Variants in MAGI2 observed in about 807,000 individuals in gnomAD.
MAGI2 encodes membrane associated guanylate kinase, WW and PDZ domain containing 2, also known as membrane-associated guanylate kinase, WW and PDZ domain-containing protein 2.
A neutral mutation model predicts 133.3 loss-of-function variants in MAGI2; 35 were observed. The observed-to-expected ratio is 0.26, with a 90% CI of 0.20 to 0.35. MAGI2 has a LOEUF of 0.35. MAGI2 is among the 10% of genes least tolerant of loss of function. MAGI2 has a pLI of 1.00. For missense variants in MAGI2, 1,636 were observed against 1,863.4 expected, an observed-to-expected ratio of 0.88 and a Z score of 2.25; for synonymous variants, 729 against 710.6, an observed-to-expected ratio of 1.03 and a Z score of -0.41.
At chr7:78,071,939 A>T (rs1256199345) in intron 21 of MAGI2, among the ~76,000 whole-genome samples, 1 of 152,212 alleles carries the variant, frequency 6.6e-6, no homozygotes, top group Non-Finnish European at 1.5e-5. Context: ...TAAAACTTCC[A>T]TCAACGTGGT....
At chr7:79,090,881 C>T (rs10251771) in intron 1 of MAGI2, among the ~76,000 whole-genome samples, 6,288 of 152,170 alleles carry the variant, frequency 0.041, 409 homozygotes, top group African/African-American at 0.14. Flanking sequence ...TTTCATCCCT[C>T]ACACTATGAC....
chr7:78,511,674 T>A (rs989555475), intron 4 of MAGI2, among the ~76,000 whole-genome samples: 1 of 150,658 alleles, frequency 6.6e-6, no homozygotes, highest in East Asian at 1.9e-4. Context: ...AAGTTAGCAG[T>A]AATAATTATC....
chr7:78,133,920 T>C lies in MAGI2; in HGVS notation c.3032-860A>G, dbSNP rs542913506. The stretch of plus-strand genomic sequence containing the variant: ...CCCTATGAACTCTTCTTCCCCCCCC[T>C]TTTTTCCCCACAGTCCAAATCTTTT... On this transcript the variant is annotated intron_variant, in intron 17 of 21. Coordinates refer to ENST00000354212, the MANE Select transcript of MAGI2 (RefSeq NM_012301.4). Among the ~76,000 whole-genome samples the C allele has an allele frequency of 2.6e-4, 39 of 151,956 alleles. No individual in the cohort carries two copies. In the East Asian group the frequency reaches 6.8e-3, roughly 26 times the overall value.
At chr7:78,414,662 A>T (rs1305339188) in intron 6 of MAGI2, among the ~76,000 whole-genome samples, 2 of 151,902 alleles carry the variant, frequency 1.3e-5, no homozygotes, top group Non-Finnish European at 2.9e-5. Flanking sequence ...ACACACACAC[A>T]CCCCTGCCCC....
chr7:79,203,649 T>C (rs1828797682), intron 1 of MAGI2, among the ~76,000 whole-genome samples: 1 of 152,044 alleles, frequency 6.6e-6, no homozygotes, highest in South Asian at 2.1e-4. Context: ...GTTGTACGTT[T>C]ATATATATTG....
intron 6 of MAGI2, among the ~76,000 whole-genome samples, chr7:78,469,031 A>C (rs1375158919): frequency 6.6e-6 from 1 of 152,198 alleles, no homozygotes; most frequent in African/African-American, 2.4e-5. Context: ...AATAAACAAT[A>C]AACCAGTGAC....
intron 1 of MAGI2, among the ~76,000 whole-genome samples, chr7:79,165,570 C>A (rs979978387): frequency 6.6e-6 from 1 of 152,042 alleles, no homozygotes; most frequent in African/African-American, 2.4e-5. Context: ...AAAGAAAAAT[C>A]AGATCCATGG....
chr7:78,454,726 A>T (rs1488790030), intron 6 of MAGI2, among the ~76,000 whole-genome samples: 1 of 152,194 alleles, frequency 6.6e-6, no homozygotes, highest in Non-Finnish European at 1.5e-5. Context: ...AGAATAGAAC[A>T]TTATTTAGAG....
At chr7:78,366,899 G>A (rs1222096341) in intron 7 of MAGI2, among the ~76,000 whole-genome samples, 8 of 151,928 alleles carry the variant, frequency 5.3e-5, no homozygotes, top group Non-Finnish European at 7.4e-5. Context: ...TGAATGTAAC[G>A]GGAAGAAAAT....
At chr7:78,789,088 C>T (rs993414072) in intron 2 of MAGI2, among the ~76,000 whole-genome samples, 1 of 152,158 alleles carries the variant, frequency 6.6e-6, no homozygotes, top group Non-Finnish European at 1.5e-5. Context: ...GTTCACTTTA[C>T]ATATTTTATT....
chr7:79,062,150 C>A (rs1392408611), intron 1 of MAGI2, among the ~76,000 whole-genome samples: 2 of 152,100 alleles, frequency 1.3e-5, no homozygotes, highest in Non-Finnish European at 2.9e-5. Flanking sequence ...TTCATTTTAA[C>A]TGTACCACTC....
chr7:78,692,130 T>G (rs1386220801), intron 2 of MAGI2, among the ~76,000 whole-genome samples: 3 of 152,162 alleles, frequency 2.0e-5, no homozygotes, highest in Non-Finnish European at 4.4e-5. Context: ...AGTTAAAGAT[T>G]TGTATTAAAA....
chr7:79,047,157 C>G (rs991508207), intron 1 of MAGI2, among the ~76,000 whole-genome samples: 1 of 151,972 alleles, frequency 6.6e-6, no homozygotes, highest in African/African-American at 2.4e-5. Context: ...TTTGTTATGA[C>G]AAAGTTACTA....
rs191408700 is a variant in MAGI2 at position 78,856,433 on chromosome 7, G to T, written c.418+150657C>A. Among the ~76,000 whole-genome samples, 398 of 152,248 alleles carry T rather than the reference G, an allele frequency of 2.6e-3. 3 individuals carry two copies. The highest frequency in any genetic ancestry group is 8.3e-3 in the African/African-American group (343 of 41,538). The stretch of plus-strand genomic sequence containing the variant: ...CATCTTGAATTAATTTTTGTATAAG[G>T]TGTAAGGAAAGGATGCAGTTTCAGC... On this transcript the variant is annotated intron_variant, in intron 2 of 21. Coordinates refer to ENST00000354212, the MANE Select transcript of MAGI2 (RefSeq NM_012301.4).
chr7:78,468,659 C>A (rs977191633), intron 6 of MAGI2, among the ~76,000 whole-genome samples: 1 of 152,038 alleles, frequency 6.6e-6, no homozygotes, highest in Non-Finnish European at 1.5e-5. Context: ...ATTGGCTTTG[C>A]TTTTTCATAG....
chr7:79,113,811 T>TACACACACACACAC (rs3047688), intron 1 of MAGI2, among the ~76,000 whole-genome samples: 10 of 148,994 alleles, frequency 6.7e-5, no homozygotes, highest in African/African-American at 2.5e-4. Context: ...TACACACGCT[T>TACACACACACACAC]ACACACACAC....
intron 21 of MAGI2, among the ~76,000 whole-genome samples, chr7:78,067,138 T>A (rs1418119187): frequency 6.6e-6 from 1 of 152,184 alleles, no homozygotes; most frequent in Non-Finnish European, 1.5e-5. Context: ...GAAGTAGAAA[T>A]TAAATTTCAC....
chr7:79,136,009 GAAAGAAAGAAAGAAA>G (rs1562928843), intron 1 of MAGI2, among the ~76,000 whole-genome samples: 6 of 115,718 alleles, frequency 5.2e-5, no homozygotes, highest in South Asian at 2.7e-4. Flanking sequence ...GAAAGAGAAA[GAAAGAAAGAAAGAAA>G]GAAGGAAAGA....
chr7:78,749,258 G>A (rs952860843), intron 2 of MAGI2, among the ~76,000 whole-genome samples: 3 of 152,088 alleles, frequency 2.0e-5, no homozygotes, highest in African/African-American at 7.2e-5. Flanking sequence ...TTCAGGGAAG[G>A]GAAATCTAAG....
Sources: gnomAD v4.1 joint callset for allele counts (sites outside exome capture counted in the v4.1 genomes callset) on GRCh38, gnomAD v4.1.1 for gene constraint, MANE v1.5 for transcripts, NCBI Gene and HGNC (gene_info 2026-07-23, HGNC 2026-07-21) for gene names.